PLEKHG1: variants seen among roughly 807,000 people sequenced by gnomAD.
PLEKHG1 encodes the protein pleckstrin homology domain-containing family G member 1.
Under a neutral mutation model 100.8 loss-of-function variants are expected in PLEKHG1, and 44 were observed. The observed-to-expected ratio is 0.44, with a 90% CI of 0.34 to 0.56. The LOEUF (loss-of-function observed/expected upper bound fraction) is 0.56, where lower values mean the gene tolerates loss of function less well. Among genes scored for constraint, PLEKHG1 ranks in the 20% least tolerant of loss-of-function variants. PLEKHG1 has a pLI of 0.01. For missense variants in PLEKHG1, 1,545 were observed against 1,720.9 expected (o/e 0.90, Z 1.81); for synonymous variants, 640 against 662.5 (o/e 0.97, Z 0.52).
exon 1 of PLEKHG1, chr6:150,599,885 G>C (rs997548750): frequency 1.1e-5 from 2 of 178,362 alleles, no homozygotes; most frequent in South Asian, 9.8e-5. Flanking sequence ...GTCGGAGCCC[G>C]AGCCTGAGCC....
In PLEKHG1 at chr6:150,708,827, C is replaced by T. The variant is rs146234614; in HGVS notation, c.-98-24757C>T. Among the ~76,000 whole-genome samples the T allele has an allele frequency of 4.1e-4, 63 of 152,242 alleles. No individual in the cohort carries two copies. The Middle Eastern group carries it at 0.01, about 25-fold the overall frequency. On this transcript the variant is annotated intron_variant, in intron 3 of 3. Transcript: ENST00000367326. ...GATGCAACCACAAATGATGACAATA[C>T]CCCTGTGGTAAAATTAGCTGTTTCA... is the stretch of plus-strand genomic sequence containing the variant.
At chr6:150,678,853 G>T (rs1779844711) in intron 3 of PLEKHG1, among the ~76,000 whole-genome samples, 1 of 152,100 alleles carries the variant, frequency 6.6e-6, no homozygotes, top group African/African-American at 2.4e-5. Context: ...ATATTTCTAG[G>T]TGATTTTTAA....
intron 2 of PLEKHG1, among the ~76,000 whole-genome samples, chr6:150,759,642 G>T (rs1422943970): frequency 5.3e-5 from 8 of 152,218 alleles, no homozygotes; most frequent in Middle Eastern, 3.4e-3. Context: ...TAGGGTTGCG[G>T]TGAAGATGAA....
chr6:150,675,025 C>T (rs563120575), intron 3 of PLEKHG1, among the ~76,000 whole-genome samples: 14 of 152,160 alleles, frequency 9.2e-5, no homozygotes, highest in African/African-American at 2.9e-4. Flanking sequence ...AATTGCAAAC[C>T]GTTTGCTATT....
chr6:150,649,889 G>A (rs1173659483), intron 2 of PLEKHG1, among the ~76,000 whole-genome samples: 1 of 152,176 alleles, frequency 6.6e-6, no homozygotes, highest in Non-Finnish European at 1.5e-5. Context: ...GCGTGTGCCT[G>A]TAGTCCCAGC....
At chr6:150,794,952 A>G (rs1034293209) in intron 4 of PLEKHG1, among the ~76,000 whole-genome samples, 2 of 152,218 alleles carry the variant, frequency 1.3e-5, no homozygotes, top group Non-Finnish European at 2.9e-5. Flanking sequence ...ATTTAAAAAA[A>G]TTAAAGCTAC....
chr6:150,715,240 G>A (rs1200864990), intron 3 of PLEKHG1, among the ~76,000 whole-genome samples: 2 of 152,104 alleles, frequency 1.3e-5, no homozygotes, highest in African/African-American at 4.8e-5. Context: ...TATGTAATTT[G>A]GTTTGTATAA....
At chr6:150,637,519 G>A (rs964049033) in intron 1 of PLEKHG1, among the ~76,000 whole-genome samples, 10 of 151,940 alleles carry the variant, frequency 6.6e-5, no homozygotes, top group African/African-American at 2.4e-4. Context: ...GTTATTGCAT[G>A]TTTGAAAATG....
intron 12 of PLEKHG1, among the ~76,000 whole-genome samples, 172 bp from the exon 14 acceptor site, chr6:150,821,023 A>G (rs1776263553): frequency 6.6e-6 from 1 of 152,322 alleles, no homozygotes; most frequent in Non-Finnish European, 1.5e-5. Context: ...ATTTTAGCAG[A>G]GTGAATGTCT....
rs1396811089 is a variant in PLEKHG1 at position 150,631,930 on chromosome 6, G to A, written c.-203-6150G>A. Among the ~76,000 whole-genome samples, 3 of 152,140 alleles carry A rather than the reference G, an allele frequency of 2.0e-5. No individual in the cohort carries two copies. The South Asian group carries it at 6.2e-4, about 31-fold the overall frequency. On this transcript the variant is annotated intron_variant, in intron 1 of 3. Transcript: ENST00000367326. ...CCTGCTAGTGCTGTCCTGCCCCGGG[G>A]GCTGGCTGGCTGCTTCCTCGGCCAC...
intron 3 of PLEKHG1, among the ~76,000 whole-genome samples, chr6:150,714,518 T>TAAC (rs1781352309): frequency 6.6e-6 from 1 of 152,200 alleles, no homozygotes; most frequent in Non-Finnish European, 1.5e-5. Flanking sequence ...CATAACTTGG[T>TAAC]TGCAAGGGAA....
At chr6:150,720,216 C>T (rs9383542), upstream of PLEKHG1, among the ~76,000 whole-genome samples, 47,060 of 152,032 alleles carry the variant, frequency 0.31, 8,711 homozygotes, top group Non-Finnish European at 0.41. Flanking sequence ...TGGAGACCTT[C>T]GTTTAAAGAA....
At chr6:150,763,021 C>CTT (rs1383647382) in intron 2 of PLEKHG1, among the ~76,000 whole-genome samples, 1 of 41,162 alleles carries the variant, frequency 2.4e-5, no homozygotes, top group Non-Finnish European at 3.9e-5. Context: ...AGGGATAAAG[C>CTT]TTCTTTTTTT....
chr6:150,789,507 A>G (rs1785838388), intron 4 of PLEKHG1, among the ~76,000 whole-genome samples: 1 of 152,252 alleles, frequency 6.6e-6, no homozygotes, highest in African/African-American at 2.4e-5. Flanking sequence ...TAAAATAGGA[A>G]TAGAGCCATG....
chr6:150,681,663 C>T (rs547870169), intron 3 of PLEKHG1, among the ~76,000 whole-genome samples: 59 of 152,076 alleles, frequency 3.9e-4, no homozygotes, highest in African/African-American at 1.4e-3. Context: ...TTCCCCATCC[C>T]CTGGAGTAGT....
intron 1 of PLEKHG1, among the ~76,000 whole-genome samples, chr6:150,603,295 C>G (rs1413267829): frequency 6.6e-6 from 1 of 152,104 alleles, no homozygotes; most frequent in Non-Finnish European, 1.5e-5. Context: ...TTGCATCAAT[C>G]TTGCTTGATA....
intron 3 of PLEKHG1, among the ~76,000 whole-genome samples, chr6:150,781,588 G>A (rs1365977664): frequency 6.6e-6 from 1 of 151,830 alleles, no homozygotes; most frequent in South Asian, 2.1e-4. Flanking sequence ...AAAGAGCGCT[G>A]GCAGAGAGCT....
chr6:150,662,903 G>A (rs561171179), intron 3 of PLEKHG1: 2 of 152,252 alleles, frequency 1.3e-5, no homozygotes, highest in East Asian at 3.9e-4. Flanking sequence ...AGCTTTTTAT[G>A]TTTTATGATA....
intron 2 of PLEKHG1, among the ~76,000 whole-genome samples, chr6:150,764,601 T>C (rs1475128358): frequency 6.6e-6 from 1 of 152,254 alleles, no homozygotes; most frequent in Admixed American, 6.5e-5. Flanking sequence ...TCTGTCCAGC[T>C]GGTCTCAACC....
Sources: allele counts gnomAD v4.1 joint callset (sites outside exome capture counted in the v4.1 genomes callset), GRCh38; gene constraint gnomAD v4.1.1; transcripts MANE v1.5; gene names NCBI Gene and HGNC (gene_info 2026-07-23, HGNC 2026-07-21).